ANKRD11: variants seen among roughly 807,000 people sequenced by gnomAD.
ANKRD11 encodes ankyrin repeat domain-containing protein 11.
In ANKRD11, 17 loss-of-function variants were observed where a neutral mutation model predicts 195.7. The ratio of observed to expected loss-of-function variants is 0.09; its 90% CI spans 0.06 to 0.13. The LOEUF (loss-of-function observed/expected upper bound fraction) is 0.13, where lower values mean the gene tolerates loss of function less well. ANKRD11 is among the 10% of genes least tolerant of loss of function. The pLI is 1.00. For synonymous variants in ANKRD11, 1,953 were observed against 1,528.1 expected, an observed-to-expected ratio of 1.28 and a Z score of -6.49; for missense variants, 3,735 against 3,566.1, an observed-to-expected ratio of 1.05 and a Z score of -1.21.
At position 89,280,975 on chromosome 16, in the gene ANKRD11, C is replaced by A; in HGVS notation, c.5567G>T (p.Gly1856Val). The A allele has an allele frequency of 1.3e-6, 2 of 1,571,702 alleles. No homozygotes were observed. The highest frequency in any genetic ancestry group is 1.7e-6 in the Non-Finnish European group (2 of 1,156,372). The change falls in exon 9 of 13, where the codon GGC (glycine) becomes GTC (valine). Residue 1856 changes from glycine (G) to valine (V), a missense_variant. By Grantham distance (109) the Gly-to-Val change is moderately radical. Transcript: ENST00000301030. ...LSPGYYSPDY[G>V]LPSPKVDALH... Reference sequence around the variant, plus strand: ...AGCGTCGACTTTGGGCGACGGGAGGCCATAGTCTGGGGAGTAGTACCCTGG... The same window carrying A: ...AGCGTCGACTTTGGGCGACGGGAGGACATAGTCTGGGGAGTAGTACCCTGG...
chr16:89,300,491 C>G, intron 4 of ANKRD11: 1 of 217,736 alleles, frequency 4.6e-6, no homozygotes, highest in South Asian at 6.7e-5. Context: ...GCACTCTGCT[C>G]TCTCTGCCCG....
At chr16:89,270,223 T>TG (rs2033016298) in intron 12 of ANKRD11, 1 of 180,086 alleles carries the variant, frequency 5.6e-6, no homozygotes, top group African/African-American at 2.4e-5. Context: ...GACACACGGG[T>TG]GCTTGGTTCA....
chr16:89,465,728 G>A (rs543989639), intron 1 of ANKRD11, among the ~76,000 whole-genome samples: 1 of 151,860 alleles, frequency 6.6e-6, no homozygotes, highest in Non-Finnish European at 1.5e-5. Context: ...TTTTTGAGAC[G>A]GAGTCGGAGT....
intron 7 of ANKRD11, chr16:89,286,563 T>C (rs1359798680): frequency 8.8e-6 from 7 of 793,962 alleles, no homozygotes; most frequent in Non-Finnish European, 1.2e-5. Context: ...CTCAGCAGAG[T>C]GGTGCCGGAG....
chr16:89,282,167 T>C lies in ANKRD11; in HGVS notation c.4375A>G (p.Lys1459Glu). ...TCCCTGTGTTTCTCTCTCTTCTTCTTCTCTTTTAGGATGTTGATGGCACTA... is the reference window on the plus strand; with the variant it reads ...TCCCTGTGTTTCTCTCTCTTCTTCTCCTCTTTTAGGATGTTGATGGCACTA... The part of the protein sequence containing the change: ...GSSAINILKE[K>E]KKREKHREKW... Residue 1459 changes from lysine to glutamate, a missense_variant, in exon 9 of 13, where the codon AAG becomes GAG. Transcript: ENST00000301030. 1 of 1,614,126 alleles carries C rather than the reference T, an allele frequency of 6.2e-7. No homozygotes were observed. The highest frequency in any genetic ancestry group is 8.5e-7 in the Non-Finnish European group (1 of 1,180,008).
At chr16:89,307,042 G>A (rs1377319781) in intron 3 of ANKRD11, among the ~76,000 whole-genome samples, 1 of 150,240 alleles carries the variant, frequency 6.7e-6, no homozygotes, top group African/African-American at 2.5e-5. Flanking sequence ...CACAGCGCTC[G>A]GGACGTGGGG....
rs1298734986 is a variant in ANKRD11, at chr16:89,283,864, C to A, written c.2678G>T (p.Arg893Leu). The part of the protein sequence containing the change: ...EDSKERRRDS[R>L]AREKRDYREP... ...TCTGTAGTCTCGCTTCTCCCGGGCCCGGCTGTCCCGCCTCCTCTCCTTGCT... is the reference window on the plus strand; with the variant it reads ...TCTGTAGTCTCGCTTCTCCCGGGCCAGGCTGTCCCGCCTCCTCTCCTTGCT... The change falls in exon 9 of 13, where the codon CGG becomes CTG. Residue 893 changes from arginine (R) to leucine (L), a missense_variant. By Grantham distance (102) the Arg-to-Leu change is moderately radical. Coordinates refer to ENST00000301030, the MANE Select transcript of ANKRD11 (RefSeq NM_013275.6). The surrounding 1 kb of genome is among the most constrained non-coding windows in gnomAD (Gnocchi z 4.3). The A allele has an allele frequency of 6.2e-7, 1 of 1,613,938 alleles. No individual in the cohort carries two copies. The highest frequency in any genetic ancestry group is 2.2e-5 in the East Asian group (1 of 44,886).
At chr16:89,431,176 G>C (rs2042961288) in intron 1 of ANKRD11, 1 of 152,172 alleles carries the variant, frequency 6.6e-6, no homozygotes, top group Non-Finnish European at 1.5e-5. Flanking sequence ...GAACTCTCAA[G>C]CAGCAAAGGC....
chr16:89,470,675 C>A (rs774662907), intron 1 of ANKRD11, among the ~76,000 whole-genome samples: 56 of 152,102 alleles, frequency 3.7e-4, no homozygotes, highest in Admixed American at 9.8e-4. Flanking sequence ...GAAACCCAGT[C>A]TCTACTAAAA....
intron 2 of ANKRD11, among the ~76,000 whole-genome samples, chr16:89,396,860 T>C (rs1291613333): frequency 2.0e-5 from 3 of 152,182 alleles, no homozygotes; most frequent in East Asian, 1.9e-4. Flanking sequence ...CTAATTTTTA[T>C]ATTTTTAGTA....
At chr16:89,403,800 A>G (rs927179517) in intron 2 of ANKRD11, 4 of 152,136 alleles carry the variant, frequency 2.6e-5, no homozygotes, top group African/African-American at 9.7e-5. Flanking sequence ...GGGTGTGGTG[A>G]CATGCGTCTG....
At chr16:89,378,990 G>A (rs189862587) in intron 2 of ANKRD11, among the ~76,000 whole-genome samples, 5 of 152,348 alleles carry the variant, frequency 3.3e-5, no homozygotes, top group African/African-American at 1.2e-4. Flanking sequence ...GCACACTGGG[G>A]AGCGTCAAGA....
At chr16:89,414,052 G>T (rs532052116) in intron 2 of ANKRD11, among the ~76,000 whole-genome samples, 2 of 152,298 alleles carry the variant, frequency 1.3e-5, no homozygotes, top group Admixed American at 1.3e-4. Flanking sequence ...CCACGGGCCT[G>T]CACACCCTCC....
At chr16:89,340,628 T>G (rs2038611496) in intron 2 of ANKRD11, among the ~76,000 whole-genome samples, 1 of 152,210 alleles carries the variant, frequency 6.6e-6, no homozygotes, top group African/African-American at 2.4e-5. Flanking sequence ...AAACAGTACT[T>G]TGCACATCAT....
At position 89,331,963 on chromosome 16, in the gene ANKRD11, TAAG is replaced by T. The variant is rs540351975; in HGVS notation, c.-59-14888_-59-14886del. Among the ~76,000 whole-genome samples, 29 of 152,154 alleles carry T rather than the reference TAAG, an allele frequency of 1.9e-4. 2 individuals are homozygous for T. In the South Asian group the frequency reaches 2.7e-3, roughly 14 times the overall value. ...CCACTGTGTTCACCACACTCTCTCT[TAAG>T]AAGGGCACACAAAACATTCAAAAAA... On this transcript the variant is annotated intron_variant, in intron 2 of 12. Coordinates refer to ENST00000301030, the MANE Select transcript of ANKRD11 (RefSeq NM_013275.6).
At chr16:89,313,986 T>C (rs1370909543) in intron 3 of ANKRD11, among the ~76,000 whole-genome samples, 1 of 152,214 alleles carries the variant, frequency 6.6e-6, no homozygotes, top group Non-Finnish European at 1.5e-5. Flanking sequence ...ACGCCTGTGA[T>C]GCGGAAGCTG....
At chr16:89,379,263 T>C (rs895220582) in intron 2 of ANKRD11, among the ~76,000 whole-genome samples, 1 of 152,228 alleles carries the variant, frequency 6.6e-6, no homozygotes, top group African/African-American at 2.4e-5. Flanking sequence ...AATCCTATCT[T>C]GAAAACTTAG....
chr16:89,314,182 G>A (rs537786377), intron 3 of ANKRD11, among the ~76,000 whole-genome samples: 4 of 152,150 alleles, frequency 2.6e-5, no homozygotes, highest in South Asian at 2.1e-4. Context: ...GTTATGGAGG[G>A]TGCAGAAGTT....
chr16:89,339,098 G>A (rs1373647315), intron 2 of ANKRD11, among the ~76,000 whole-genome samples: 4 of 152,102 alleles, frequency 2.6e-5, no homozygotes, highest in East Asian at 1.9e-4. Flanking sequence ...ATGGGTGAGC[G>A]TTGCACCCCC....
Sources: allele counts gnomAD v4.1 joint callset (sites outside exome capture counted in the v4.1 genomes callset), GRCh38; gene constraint gnomAD v4.1.1; non-coding constraint Gnocchi (gnomAD v3.1); transcripts MANE v1.5; gene names NCBI Gene and HGNC (gene_info 2026-07-23, HGNC 2026-07-21).